Variants in USH2A observed in about 807,000 individuals in gnomAD.
The protein encoded by USH2A is usherin.
In USH2A, 443 loss-of-function variants were observed where a neutral mutation model predicts 538.9. The ratio of observed to expected loss-of-function variants is 0.82; its 90% CI spans 0.76 to 0.89. The LOEUF (loss-of-function observed/expected upper bound fraction) is 0.89. Among genes scored for constraint, USH2A ranks in the 40% least tolerant of loss-of-function variants. USH2A has a pLI of 0.00. For missense variants in USH2A, 6,633 were observed against 6,324.8 expected (o/e 1.05, Z -1.65); for synonymous variants, 2,413 against 2,273.5 (o/e 1.06, Z -1.75).
intron 61 of USH2A, among the ~76,000 whole-genome samples, chr1:215,693,758 C>T (rs943263327): frequency 5.3e-5 from 8 of 152,196 alleles, no homozygotes; most frequent in Admixed American, 3.3e-4. Flanking sequence ...CTGTAGTGTA[C>T]CCTCATGAAG....
chr1:215,664,063 C>T (rs1348093033), intron 64 of USH2A, among the ~76,000 whole-genome samples: 3 of 152,124 alleles, frequency 2.0e-5, no homozygotes, highest in Non-Finnish European at 4.4e-5. Flanking sequence ...CATATCTTTT[C>T]TTTGGTTTCA....
chr1:216,069,904 A>G (rs930569328), intron 30 of USH2A, among the ~76,000 whole-genome samples, 197 bp downstream of exon 30: 9 of 152,192 alleles, frequency 5.9e-5, no homozygotes, highest in African/African-American at 1.9e-4. Context: ...ATGAGAGCCC[A>G]TGCGCATTGT....
intron 3 of USH2A, among the ~76,000 whole-genome samples, chr1:216,376,849 G>A (rs1330049988): frequency 6.6e-6 from 1 of 152,096 alleles, no homozygotes; most frequent in Admixed American, 6.6e-5. Context: ...TGTAAAATTT[G>A]TAGAAATAGT....
At chr1:216,286,218 G>A (rs997265018) in intron 11 of USH2A, among the ~76,000 whole-genome samples, 1 of 152,108 alleles carries the variant, frequency 6.6e-6, no homozygotes, top group Non-Finnish European at 1.5e-5. Context: ...GGAACCAGGT[G>A]GAGATAATTG....
intron 61 of USH2A, among the ~76,000 whole-genome samples, chr1:215,704,959 T>C (rs979469110): frequency 2.0e-5 from 3 of 152,204 alleles, no homozygotes; most frequent in Non-Finnish European, 4.4e-5. Flanking sequence ...ATACAAAATA[T>C]GTTTGGCACC....
intron 18 of USH2A, among the ~76,000 whole-genome samples, chr1:216,197,280 CT>C (rs1223633671): frequency 6.6e-6 from 1 of 152,146 alleles, no homozygotes; most frequent in African/African-American, 2.4e-5. Flanking sequence ...CCTTTCCCCC[CT>C]GCCACTCCTG....
chr1:215,770,271 A>T (rs529500921), intron 55 of USH2A, among the ~76,000 whole-genome samples: 1 of 152,142 alleles, frequency 6.6e-6, no homozygotes, highest in Non-Finnish European at 1.5e-5. Context: ...TATTTAAGTT[A>T]CTCAATGGCT....
intron 3 of USH2A, among the ~76,000 whole-genome samples, chr1:216,398,736 C>T (rs1284082027): frequency 6.6e-6 from 1 of 152,192 alleles, no homozygotes; most frequent in African/African-American, 2.4e-5. Flanking sequence ...TCTATTCCCA[C>T]TGGCAGAAGC....
rs555450451 is a variant in USH2A at position 215,981,090 on chromosome 1, A to G, written c.6806-10314T>C. Among the ~76,000 whole-genome samples the G allele has an allele frequency of 6.6e-5, 10 of 152,266 alleles. No individual in the cohort carries two copies. The South Asian group carries it at 1.7e-3, about 25-fold the overall frequency. ...CTCATTGTTCTATATCCTCAAAAAG[A>G]CCTTATTGTCAGACTTTGAAATTTT... On this transcript the variant is annotated intron_variant, in intron 35 of 71. Coordinates refer to ENST00000307340, the MANE Select transcript of USH2A (RefSeq NM_206933.4).
At chr1:215,741,704 A>G (rs1446898942) in intron 59 of USH2A, among the ~76,000 whole-genome samples, 167 bp from the exon 60 acceptor site, 14 of 152,216 alleles carry the variant, frequency 9.2e-5, no homozygotes, top group Admixed American at 9.2e-4. Flanking sequence ...GAACATTTAA[A>G]TAGAAAATTA....
At chr1:215,752,665 G>A (rs1053510945) in intron 58 of USH2A, among the ~76,000 whole-genome samples, 1 of 150,592 alleles carries the variant, frequency 6.6e-6, no homozygotes, top group African/African-American at 2.5e-5. Flanking sequence ...TTTCCCTTCA[G>A]GGGCTCACCA....
intron 60 of USH2A, among the ~76,000 whole-genome samples, chr1:215,732,204 T>C (rs1472821239): frequency 6.6e-6 from 1 of 152,186 alleles, no homozygotes; most frequent in East Asian, 1.9e-4. Context: ...ATTTACAAAA[T>C]GATTTGTGAA....
chr1:215,648,516 CTGACCCATTACCTGTGAA>C lies in USH2A; in HGVS notation c.14576_14582+11del. On this transcript the variant is annotated splice_donor_variant and splice_donor_5th_base_variant and coding_sequence_variant and intron_variant, in exon 66 of 72. Coordinates refer to ENST00000307340, the MANE Select transcript of USH2A (RefSeq NM_206933.4). LOFTEE classifies it high-confidence loss of function. ...CTTGTTAGTTTCTTCATCCTTCTGC[CTGACCCATTACCTGTGAA>C]TGACACCATTGGGGAACATGGGGGG... 2 of 1,613,260 alleles carry C rather than the reference CTGACCCATTACCTGTGAA, an allele frequency of 1.2e-6. No homozygotes were observed. Among genetic ancestry groups the C allele is most frequent in the Non-Finnish European group, 1.7e-6 (2 of 1,179,188 alleles).
intron 11 of USH2A, among the ~76,000 whole-genome samples, chr1:216,276,352 C>T (rs918049911): frequency 5.9e-5 from 9 of 152,090 alleles, no homozygotes; most frequent in Non-Finnish European, 1.3e-4. Flanking sequence ...AAATGCAGCA[C>T]TCAATACTTG....
chr1:216,230,442 T>C (rs1368389907), intron 14 of USH2A, among the ~76,000 whole-genome samples: 3 of 152,160 alleles, frequency 2.0e-5, no homozygotes, highest in Non-Finnish European at 4.4e-5. Context: ...TCTACGGTGA[T>C]AGAAGTAGAG....
intron 21 of USH2A, among the ~76,000 whole-genome samples, chr1:216,140,201 G>A (rs979632548): frequency 1.3e-5 from 2 of 151,974 alleles, no homozygotes; most frequent in Non-Finnish European, 2.9e-5. Context: ...TAATTAACAC[G>A]GATTGCTGTT....
chr1:215,992,241 T>A (rs1449494700), intron 35 of USH2A, among the ~76,000 whole-genome samples: 1 of 152,180 alleles, frequency 6.6e-6, no homozygotes. Context: ...CTTCTTGATA[T>A]TTGTCTCAAA....
intron 32 of USH2A, among the ~76,000 whole-genome samples, chr1:216,017,307 G>A (rs113420625): frequency 0.013 from 1,941 of 152,090 alleles, 26 homozygotes; most frequent in Non-Finnish European, 0.015. Flanking sequence ...CTCTGCACAA[G>A]GATAGATATA....
At chr1:215,916,875 GT>G (rs1665967966) in intron 38 of USH2A, among the ~76,000 whole-genome samples, 1 of 152,132 alleles carries the variant, frequency 6.6e-6, no homozygotes, top group African/African-American at 2.4e-5. Flanking sequence ...TCTCTTTGTG[GT>G]TTAAGATTAA....
Sources: gnomAD v4.1 joint callset for allele counts (sites outside exome capture counted in the v4.1 genomes callset) on GRCh38, gnomAD v4.1.1 for gene constraint, MANE v1.5 for transcripts, NCBI Gene and HGNC (gene_info 2026-07-23, HGNC 2026-07-21) for gene names.